The following PCSK4 variants were observed in gnomAD, a reference collection of about 807,000 sequenced individuals.
PCSK4 encodes proprotein convertase subtilisin/kexin type 4.
Under a neutral mutation model 80.3 loss-of-function variants are expected in PCSK4, and 64 were observed. The observed-to-expected ratio is 0.80, with a 90% CI of 0.65 to 0.98. The LOEUF (loss-of-function observed/expected upper bound fraction) is 0.98. Ranked by LOEUF, PCSK4 falls within the 50% of genes least tolerant of loss-of-function variation. The probability of loss-of-function intolerance (pLI) is 0.00; values close to 1 mark genes in which losing one functional copy is unlikely to be tolerated. For missense variants in PCSK4, 1,213 were observed against 1,093.6 expected, an observed-to-expected ratio of 1.11 and a Z score of -1.54; for synonymous variants, 561 against 487.6, an observed-to-expected ratio of 1.15 and a Z score of -1.98.
exon 11 of PCSK4, chr19:1,483,736 G>C: frequency 6.3e-7 from 1 of 1,594,314 alleles, no homozygotes; most frequent in Non-Finnish European, 8.5e-7. Flanking sequence ...GCAGCCCGGC[G>C]TCCAGCAGCC....
chr19:1,490,268 C>A, exon 1 of PCSK4: 6 of 1,605,296 alleles, frequency 3.7e-6, no homozygotes, highest in Non-Finnish European at 4.3e-6. Context: ...CGGACCGGGG[C>A]CCACCCCACA....
rs1568228692 is a variant in PCSK4 at position 1,490,355 on chromosome 19, G to GA, written c.-10_-9insT. ...ATCGGGGCGGGCCGCATGGAGGCGGGGCGGGAGCGGGGCCTGCGCAAATCC... is the reference window on the plus strand; with the variant it reads ...ATCGGGGCGGGCCGCATGGAGGCGGGAGCGGGAGCGGGGCCTGCGCAAATCC... On this transcript the variant is annotated 5_prime_UTR_variant, in exon 1 of 15. Coordinates refer to ENST00000300954, the Ensembl canonical transcript of PCSK4. 2.7e-6 allele frequency: 3 copies of GA among 1,091,636 alleles called. No homozygotes were observed. The South Asian group carries it at 4.8e-5, about 17-fold the overall frequency. The allele number at this position is 1,091,636 out of a possible 1,614,324, so 67.6% of individuals were successfully genotyped here. A position where few individuals can be genotyped will look rare whatever the true frequency, so the allele number is the denominator to read the frequency against.
chr19:1,487,046 G>C (rs138345395), exon 8 of PCSK4: 2 of 1,606,728 alleles, frequency 1.2e-6, no homozygotes, highest in Admixed American at 3.3e-5. Flanking sequence ...GATGAAGAGC[G>C]TGCCCAGCCC....
At chr19:1,489,598 C>T in intron 2 of PCSK4, 195 bp downstream of exon 2, 1 of 992,950 alleles carries the variant, frequency 1.0e-6, no homozygotes, top group Non-Finnish European at 1.4e-6. Context: ...TGTACCAGGC[C>T]CTGGCAGGCG....
At chr19:1,487,719 G>A in intron 5 of PCSK4, 28 bp from the exon 6 acceptor site, 1 of 1,550,238 alleles carries the variant, frequency 6.5e-7, no homozygotes, top group Non-Finnish European at 8.7e-7. Context: ...AGGGGCTCCT[G>A]TCACGGCCTC....
At chr19:1,488,238 G>A (rs376782597) in exon 3 of PCSK4, 13 of 1,611,138 alleles carry the variant, frequency 8.1e-6, no homozygotes, top group East Asian at 2.2e-5. Context: ...ACGACAGAGC[G>A]TTTCACCCGC....
exon 12 of PCSK4, chr19:1,483,424 C>T (rs1568206677): frequency 2.5e-6 from 4 of 1,599,900 alleles, no homozygotes; most frequent in African/African-American, 1.3e-5. Flanking sequence ...CGGCGCAGGC[C>T]GATACGTTTT....
rs150787897 is a variant in PCSK4 at position 1,490,369 on chromosome 19, C to G, written c.-23G>C. ...CATGGAGGCGGGGCGGGAGCGGGGC[C>G]TGCGCAAATCCCCTCCCTCCCGCCA... On this transcript the variant is annotated 5_prime_UTR_variant, in exon 1 of 15. Coordinates refer to ENST00000300954, the Ensembl canonical transcript of PCSK4. 10 of 953,342 alleles carry G rather than the reference C, an allele frequency of 1.0e-5. No homozygotes were observed. The African/African-American group carries it at 1.4e-4, about 13-fold the overall frequency. The allele number at this position is 953,342 out of a possible 1,614,324, so 59.1% of individuals were successfully genotyped here.
At chr19:1,489,766 G>GT (rs1366070142) in intron 2 of PCSK4, 27 bp downstream of exon 2, 1 of 1,590,652 alleles carries the variant, frequency 6.3e-7, no homozygotes, top group Non-Finnish European at 8.6e-7. Context: ...ACCCCGGGCA[G>GT]GGGGTTGGCC....
At chr19:1,482,897 C>G in exon 13 of PCSK4, 2 of 1,613,362 alleles carry the variant, frequency 1.2e-6, no homozygotes, top group Non-Finnish European at 1.7e-6. Context: ...CGCCCTCACC[C>G]GTGTTGAAAT....
At chr19:1,487,649 G>T (rs781602225) in exon 6 of PCSK4, 16 of 1,554,968 alleles carry the variant, frequency 1.0e-5, no homozygotes, top group African/African-American at 1.4e-5. Flanking sequence ...AGAAGCCATT[G>T]TTGGCCATCG....
chr19:1,481,990 C>T, exon 15 of PCSK4: 1 of 1,593,536 alleles, frequency 6.3e-7, no homozygotes, highest in South Asian at 1.1e-5. Context: ...AGGAGCCCTG[C>T]TGCTGGTCCA....
At chr19:1,483,205 C>G (rs935878082) in intron 12 of PCSK4, 79 bp downstream of exon 12, 1 of 1,393,328 alleles carries the variant, frequency 7.2e-7, no homozygotes, top group Non-Finnish European at 9.5e-7. Flanking sequence ...TGGCCCCTCC[C>G]CGTGAGGACA....
At chr19:1,483,041 G>T in intron 12 of PCSK4, 21 bp from the exon 13 acceptor site, 1 of 1,496,732 alleles carries the variant, frequency 6.7e-7, no homozygotes. Context: ...AGGGTGGGTG[G>T]GGGTGGGGGT....
At position 1,483,951 on chromosome 19, in the gene PCSK4, G is replaced by T. The variant is rs373298079; in HGVS notation, c.1170-10C>A. On this transcript the variant is annotated splice_polypyrimidine_tract_variant and intron_variant, in intron 9 of 14. Transcript: ENST00000300954. ...CCACGTCAGGAACGGGCTGCGGGGG[G>T]CGGGGGCGGGGGCGGGTGAGCCGCC... 6 of 1,421,924 alleles carry T rather than the reference G, an allele frequency of 4.2e-6. No individual in the cohort carries two copies. In the East Asian group the frequency reaches 1.5e-4, roughly 35 times the overall value. The allele number at this position is 1,421,924 out of a possible 1,614,324, so 88.1% of individuals were successfully genotyped here.
chr19:1,483,257 GC>G (rs752054143), intron 12 of PCSK4, 26 bp downstream of exon 12: 17 of 1,528,304 alleles, frequency 1.1e-5, no homozygotes, highest in African/African-American at 1.4e-5. Context: ...GCATGAGGCC[GC>G]CCCCTCTCCT....
chr19:1,487,179 T>C, exon 7 of PCSK4: 1 of 1,607,772 alleles, frequency 6.2e-7, no homozygotes, highest in Non-Finnish European at 8.5e-7. Flanking sequence ...CGGGTGAGGA[T>C]GCCGGGGCCG....
At chr19:1,483,710 C>G (rs376875738) in exon 11 of PCSK4, 22 of 1,595,934 alleles carry the variant, frequency 1.4e-5, no homozygotes, top group Middle Eastern at 1.9e-4. Context: ...CAGCCAGGTG[C>G]GGGCGGTGTC....
Position 1,487,956 on chromosome 19 carries a change from G to T in PCSK4, c.516+8C>A, listed in dbSNP as rs200421435. 1.2e-4 allele frequency: 198 copies of T among 1,604,768 alleles called. No homozygotes were observed. Among genetic ancestry groups the T allele is most frequent in the Non-Finnish European group, 1.6e-4 (190 of 1,173,588 alleles). ...GCAGCCCTCGCCCACAGCCACCCGC[G>T]GTCTCACGTAGTTGGCCCAGAGGTC... On this transcript the variant is annotated splice_region_variant and intron_variant, in intron 4 of 14. Transcript: ENST00000300954.
Sources: allele counts gnomAD v4.1 joint callset, GRCh38; gene constraint gnomAD v4.1.1; transcripts MANE v1.5; gene names NCBI Gene and HGNC (gene_info 2026-07-23, HGNC 2026-07-21).